LRRFIP2: variants seen among roughly 807,000 people sequenced by gnomAD.
LRRFIP2 encodes leucine-rich repeat flightless-interacting protein 2.
LRRFIP2 carries 109 observed loss-of-function variants against 125.9 expected under a neutral mutation model. That is an observed-to-expected ratio of 0.87 (90% confidence interval 0.74 to 1.01). The LOEUF is 1.01. Among genes scored for constraint, LRRFIP2 ranks in the 50% least tolerant of loss-of-function variants. The pLI is 0.00. For synonymous variants in LRRFIP2, 291 were observed against 293.1 expected, an observed-to-expected ratio of 0.99 and a Z score of 0.07; for missense variants, 850 against 862.3, an observed-to-expected ratio of 0.99 and a Z score of 0.18.
Position 37,115,041 on chromosome 3 carries a change from A to G in LRRFIP2, c.372+13T>C, listed in dbSNP as rs1373567174. The G allele has an allele frequency of 1.3e-6, 2 of 1,591,658 alleles. No individual in the cohort carries two copies. Among genetic ancestry groups the G allele is most frequent in the Admixed American group, 1.7e-5 (1 of 59,668 alleles). ...AAAATTCCACATATAACACAAAGTC[A>G]TGTGCTACATACTAATGATGAAAGT... On this transcript the variant is annotated intron_variant, in intron 7 of 27. Coordinates refer to ENST00000336686, the MANE Select transcript of LRRFIP2 (RefSeq NM_006309.4).
At chr3:37,070,705 T>C (rs890485703) in intron 21 of LRRFIP2, among the ~76,000 whole-genome samples, 2 of 151,952 alleles carry the variant, frequency 1.3e-5, no homozygotes, top group Non-Finnish European at 1.5e-5. Flanking sequence ...ACTCCAGCCT[T>C]GGGGAGAGAG....
intron 1 of LRRFIP2, among the ~76,000 whole-genome samples, chr3:37,150,059 A>C (rs1158203106): frequency 6.6e-6 from 1 of 152,102 alleles, no homozygotes; most frequent in African/African-American, 2.4e-5. Context: ...AGAAAAAATG[A>C]AGGTTTATTA....
At chr3:37,166,189 G>C (rs1458836962) in intron 1 of LRRFIP2, among the ~76,000 whole-genome samples, 1 of 152,098 alleles carries the variant, frequency 6.6e-6, no homozygotes, top group Admixed American at 6.5e-5. Context: ...AATTAGCCAG[G>C]CATGGTGGCG....
At chr3:37,141,817 G>A (rs1319077827) in intron 2 of LRRFIP2, among the ~76,000 whole-genome samples, 1 of 152,096 alleles carries the variant, frequency 6.6e-6, no homozygotes, top group African/African-American at 2.4e-5. Flanking sequence ...CTGTCCCTCA[G>A]GACAGCCAGG....
intron 16 of LRRFIP2, among the ~76,000 whole-genome samples, chr3:37,096,291 T>A (rs1462741174): frequency 2.6e-5 from 4 of 152,124 alleles, no homozygotes; most frequent in Non-Finnish European, 4.4e-5. Flanking sequence ...TATCTCAGAG[T>A]TTGTCACCAC....
chr3:37,097,532 A>G (rs1203542076), intron 15 of LRRFIP2, among the ~76,000 whole-genome samples: 2 of 152,162 alleles, frequency 1.3e-5, no homozygotes, highest in African/African-American at 2.4e-5. Flanking sequence ...TCTGGCATAG[A>G]GAAGGGCTCA....
At chr3:37,096,724 A>G in intron 15 of LRRFIP2, 64 bp from the exon 16 acceptor site, 1 of 871,958 alleles carries the variant, frequency 1.1e-6, no homozygotes, top group East Asian at 2.8e-5. Context: ...TTTGGGAGGA[A>G]AAAAGTGATC....
At chr3:37,085,353 T>G (rs1332549619) in intron 18 of LRRFIP2, among the ~76,000 whole-genome samples, 1 of 151,792 alleles carries the variant, frequency 6.6e-6, no homozygotes, top group Non-Finnish European at 1.5e-5. Flanking sequence ...CCCTATCTCT[T>G]GTACCAAAAA....
At chr3:37,063,462 T>A (rs1457691695) in intron 24 of LRRFIP2, among the ~76,000 whole-genome samples, 1 of 152,112 alleles carries the variant, frequency 6.6e-6, no homozygotes, top group Admixed American at 6.5e-5. Flanking sequence ...TTAACAGAAA[T>A]GGTCAGGGGC....
intron 18 of LRRFIP2, among the ~76,000 whole-genome samples, chr3:37,085,959 T>C (rs906432672): frequency 6.6e-6 from 1 of 152,216 alleles, no homozygotes; most frequent in African/African-American, 2.4e-5. Context: ...AGAAAATATT[T>C]ATAAATCTTA....
chr3:37,151,803 G>C (rs532338926), intron 1 of LRRFIP2, among the ~76,000 whole-genome samples: 4 of 152,200 alleles, frequency 2.6e-5, no homozygotes, highest in African/African-American at 4.8e-5. Context: ...TCGCCATGTT[G>C]GCCAGGCTGG....
intron 2 of LRRFIP2, among the ~76,000 whole-genome samples, chr3:37,137,720 C>G (rs2095593533): frequency 6.6e-6 from 1 of 152,188 alleles, no homozygotes; most frequent in South Asian, 2.1e-4. Flanking sequence ...TCTAGCATCT[C>G]AAGCTCTGAC....
rs769943343 is a variant in LRRFIP2, at chr3:37,129,124, C to T, written c.116G>A (p.Arg39Gln). The change falls in exon 3 of 28, where the codon CGG becomes CAG. Residue 39 changes from arginine (R) to glutamine (Q), a missense_variant. Transcript: ENST00000336686. The stretch of plus-strand genomic sequence containing the variant: ...ATCTCTTGCTTCTGCCCGGGCAGCC[C>T]GTTTTGCTGCCAGCCTTGCCTCTGC... ...REAEARLAAK[R>Q]AARAEARDIR... 7 of 1,613,958 alleles carry T rather than the reference C, an allele frequency of 4.3e-6. No homozygotes were observed. The Admixed American group carries it at 5.0e-5, about 12-fold the overall frequency.
At chr3:37,062,133 T>C (rs532127277) in intron 24 of LRRFIP2, among the ~76,000 whole-genome samples, 23 of 152,334 alleles carry the variant, frequency 1.5e-4, no homozygotes, top group African/African-American at 5.1e-4. Context: ...TCTAGCTCTC[T>C]ACCCACTCCA....
Position 37,053,038 on chromosome 3 carries a change from T to G in LRRFIP2, c.*813A>C, listed in dbSNP as rs1328752354. The G allele has an allele frequency of 2.0e-5, 3 of 152,594 alleles. No homozygotes were observed. Among genetic ancestry groups the G allele is most frequent in the Non-Finnish European group, 4.4e-5 (3 of 68,028 alleles). 9.5% of individuals were successfully genotyped at this position (152,594 alleles called of 1,614,324 possible). A position where few individuals can be genotyped will look rare whatever the true frequency, so the allele number is the denominator to read the frequency against. The stretch of plus-strand genomic sequence containing the variant: ...GCAAAAGGGTGTATTTAATAGAATC[T>G]GCAGGCAGATTTCCAATCTGCCTGC... On this transcript the variant is annotated 3_prime_UTR_variant, in exon 28 of 28. Transcript: ENST00000336686.
At chr3:37,108,585 G>T in intron 12 of LRRFIP2, 52 bp downstream of exon 12, 3 of 1,432,686 alleles carry the variant, frequency 2.1e-6, no homozygotes, top group Non-Finnish European at 2.9e-6. Context: ...AAAGTAAACT[G>T]TGCCCACCCA....
intron 1 of LRRFIP2, among the ~76,000 whole-genome samples, chr3:37,163,563 C>CT (rs1491461337): frequency 1.3e-5 from 2 of 152,178 alleles, no homozygotes; most frequent in African/African-American, 4.8e-5. Flanking sequence ...CCCTCAATGA[C>CT]TCTGTGGAAC....
rs542593556 is a variant in LRRFIP2 at position 37,119,362 on chromosome 3, G to A, written c.330+2130C>T. Among the ~76,000 whole-genome samples, 39 of 152,052 alleles carry A rather than the reference G, an allele frequency of 2.6e-4. No homozygotes were observed. The South Asian group carries it at 6.2e-3, about 24-fold the overall frequency. On this transcript the variant is annotated intron_variant, in intron 6 of 27. Transcript: ENST00000336686. ...TACATTCTGGTATATAGTTATTATC[G>A]GTTTAACTGCAGATTCCTTTTTTGT...
chr3:37,146,887 C>T (rs1005310022), intron 2 of LRRFIP2, among the ~76,000 whole-genome samples: 3 of 152,060 alleles, frequency 2.0e-5, no homozygotes, highest in African/African-American at 7.2e-5. Flanking sequence ...AACTAAAGAG[C>T]TTCTGTAAGG....
Sources: gnomAD v4.1 joint callset for allele counts (sites outside exome capture counted in the v4.1 genomes callset) on GRCh38, gnomAD v4.1.1 for gene constraint, MANE v1.5 for transcripts, NCBI Gene and HGNC (gene_info 2026-07-23, HGNC 2026-07-21) for gene names.